The following PNPLA1 variants were observed in gnomAD, a reference collection of about 807,000 sequenced individuals.
PNPLA1 encodes patatin like domain 1, omega-hydroxyceramide transacylase, also known as omega-hydroxyceramide transacylase.
PNPLA1 carries 36 observed loss-of-function variants against 51.7 expected under a neutral mutation model. That is an observed-to-expected ratio of 0.70 (90% CI 0.53 to 0.92). The LOEUF (loss-of-function observed/expected upper bound fraction) is 0.92. Among genes scored for constraint, PNPLA1 ranks in the 40% least tolerant of loss-of-function variants. The probability of loss-of-function intolerance (pLI) is 0.00; values close to 1 mark genes in which losing one functional copy is unlikely to be tolerated. For synonymous variants in PNPLA1, 293 were observed against 280.1 expected (o/e 1.05, Z -0.46); for missense variants, 658 against 682.5 (o/e 0.96, Z 0.40).
chr6:36,261,544 T>C (rs1256134402), intron 1 of PNPLA1, among the ~76,000 whole-genome samples: 1 of 152,222 alleles, frequency 6.6e-6, no homozygotes, highest in Non-Finnish European at 1.5e-5. Context: ...GGCTTGTGAG[T>C]TTGGTGAACG....
At position 36,312,581 on chromosome 6, in the gene PNPLA1, C is replaced by A. The variant is rs190928761; in HGVS notation, c.*695C>A. Reference sequence around the variant, plus strand: ...GGAAGCTGTGAGCCGAGAGAGAGAACGGGAGCTGGAACGGGAGAGAACCTG... The same window carrying A: ...GGAAGCTGTGAGCCGAGAGAGAGAAAGGGAGCTGGAACGGGAGAGAACCTG... On this transcript the variant is annotated 3_prime_UTR_variant, in exon 9 of 9. Coordinates refer to ENST00000636260, the MANE Select transcript of PNPLA1 (RefSeq NM_001374623.1). Among the ~76,000 whole-genome samples the A allele has an allele frequency of 6.6e-6, 1 of 152,238 alleles. No individual in the cohort carries two copies. Among genetic ancestry groups the A allele is most frequent in the South Asian group, 2.1e-4 (1 of 4,822 alleles).
In PNPLA1 at chr6:36,282,053, GAAA is replaced by G. The variant is rs1770304751; in HGVS notation, c.206-9266_206-9264del. Among the ~76,000 whole-genome samples the G allele has an allele frequency of 1.3e-4, 11 of 86,454 alleles. No individual in the cohort carries two copies. The South Asian group carries it at 4.8e-3, about 38-fold the overall frequency. 56.7% of individuals were successfully genotyped at this position (86,454 alleles called of 152,430 possible). A position where few individuals can be genotyped will look rare whatever the true frequency, so the allele number is the denominator to read the frequency against. On this transcript the variant is annotated intron_variant, in intron 1 of 8. Transcript: ENST00000636260. ...AGAAAGAAAGAAAGAAGGAAAGAAA[GAAA>G]GAAAGAAAGAAAGAAAGAAAGAAAG... is the stretch of plus-strand genomic sequence containing the variant.
intron 1 of PNPLA1, among the ~76,000 whole-genome samples, chr6:36,253,711 T>C (rs1466251546): frequency 2.6e-5 from 4 of 152,194 alleles, no homozygotes; most frequent in African/African-American, 9.7e-5. Context: ...ACTCCTGGCC[T>C]CAAATGATCC....
At chr6:36,258,278 T>C (rs1342981193) in intron 1 of PNPLA1, among the ~76,000 whole-genome samples, 1 of 152,204 alleles carries the variant, frequency 6.6e-6, no homozygotes, top group Non-Finnish European at 1.5e-5. Flanking sequence ...ATTTCCTTCC[T>C]CACTTTCCAG....
intron 1 of PNPLA1, among the ~76,000 whole-genome samples, chr6:36,255,861 T>G (rs950860408): frequency 6.6e-5 from 10 of 152,240 alleles, no homozygotes; most frequent in African/African-American, 2.4e-4. Flanking sequence ...TCTCAAACTC[T>G]AACATGCATC....
chr6:36,301,253 C>G (rs1771037307), intron 5 of PNPLA1, among the ~76,000 whole-genome samples: 1 of 152,084 alleles, frequency 6.6e-6, no homozygotes, highest in Non-Finnish European at 1.5e-5. Flanking sequence ...ATGAGTCTTA[C>G]AGCCACAGTG....
At position 36,302,345 on chromosome 6, in the gene PNPLA1, C is replaced by T. The variant is rs1317776229; in HGVS notation, c.1260C>T (p.Pro420=). 1 of 1,613,072 alleles carries T rather than the reference C, an allele frequency of 6.2e-7. No homozygotes were observed. Among genetic ancestry groups the T allele is most frequent in the Non-Finnish European group, 8.5e-7 (1 of 1,179,242 alleles). ...CCAGATCCCTACACTCTCAGGCACC[C>T]ACTTCACCCAGGCCATCCCTGGGGC... is the stretch of plus-strand genomic sequence containing the variant. ...SPARSLHSQA[P]TSPRPSLGPS... is the part of the protein sequence containing the mutation. The change falls in exon 6 of 9, where the codon CCC becomes CCT. Residue 420 remains proline (P), a synonymous_variant. Coordinates refer to ENST00000636260, the MANE Select transcript of PNPLA1 (RefSeq NM_001374623.1).
chr6:36,311,231 T>C (rs945826861), intron 8 of PNPLA1, among the ~76,000 whole-genome samples: 2 of 152,228 alleles, frequency 1.3e-5, no homozygotes, highest in African/African-American at 4.8e-5. Context: ...GAGAGGCAGC[T>C]AATTCACTCT....
At chr6:36,289,864 G>T (rs1770622267) in intron 1 of PNPLA1, among the ~76,000 whole-genome samples, 1 of 152,222 alleles carries the variant, frequency 6.6e-6, no homozygotes, top group Admixed American at 6.5e-5. Context: ...CACAGGAGGA[G>T]TAGGGCATCC....
At chr6:36,309,292 G>C (rs935221801) in intron 8 of PNPLA1, among the ~76,000 whole-genome samples, 3 of 152,152 alleles carry the variant, frequency 2.0e-5, no homozygotes, top group Admixed American at 1.3e-4. Flanking sequence ...GAGGTCCCTG[G>C]GTTCATGGGA....
Position 36,312,453 on chromosome 6 carries a change from A to G in PNPLA1, c.*567A>G, listed in dbSNP as rs1771427606. On this transcript the variant is annotated 3_prime_UTR_variant, in exon 9 of 9. Coordinates refer to ENST00000636260, the MANE Select transcript of PNPLA1 (RefSeq NM_001374623.1). The stretch of plus-strand genomic sequence containing the variant: ...TTCCAATTTCCATGCATTGGCTATA[A>G]CAGGCCTGGCTACCTGCTGAGGGTT... 6.6e-6 allele frequency among the ~76,000 whole-genome samples: 1 copy of G among 152,168 alleles called. No individual in the cohort carries two copies. The highest frequency in any genetic ancestry group is 2.1e-4 in the South Asian group (1 of 4,834).
chr6:36,244,520 A>G (rs1056319823), intron 1 of PNPLA1, among the ~76,000 whole-genome samples: 1 of 151,746 alleles, frequency 6.6e-6, no homozygotes, highest in Non-Finnish European at 1.5e-5. Context: ...TATTTGGTGG[A>G]TGTAGAGGGG....
chr6:36,268,779 G>A (rs528263387), upstream of PNPLA1, among the ~76,000 whole-genome samples: 3 of 152,298 alleles, frequency 2.0e-5, no homozygotes, highest in Admixed American at 6.5e-5. Context: ...TGGAGCTTCT[G>A]TGTGCTCCTG....
At chr6:36,250,884 A>T (rs1159936642) in intron 1 of PNPLA1, among the ~76,000 whole-genome samples, 1 of 152,178 alleles carries the variant, frequency 6.6e-6, no homozygotes, top group Non-Finnish European at 1.5e-5. Context: ...TTGTATTTTT[A>T]GTAGAGCCGG....
chr6:36,254,008 C>T (rs1425349922), intron 1 of PNPLA1, among the ~76,000 whole-genome samples: 1 of 152,020 alleles, frequency 6.6e-6, no homozygotes, highest in African/African-American at 2.4e-5. Flanking sequence ...GGTCTGACTA[C>T]AGAGCTAAAG....
At chr6:36,295,541 C>A in intron 5 of PNPLA1, 117 bp downstream of exon 5, 1 of 1,116,968 alleles carries the variant, frequency 9.0e-7, no homozygotes, top group South Asian at 1.3e-5. Flanking sequence ...AGACGCCCTT[C>A]ACCTGGGAGA....
intron 1 of PNPLA1, among the ~76,000 whole-genome samples, chr6:36,279,352 A>G (rs1235844135): frequency 6.6e-6 from 1 of 152,204 alleles, no homozygotes; most frequent in Non-Finnish European, 1.5e-5. Flanking sequence ...CTGCCCACCC[A>G]GTAACTGAAA....
At chr6:36,244,545 G>A (rs1007234855) in intron 1 of PNPLA1, among the ~76,000 whole-genome samples, 15 of 152,076 alleles carry the variant, frequency 9.9e-5, no homozygotes, top group African/African-American at 3.4e-4. Flanking sequence ...CCGACCTTAT[G>A]CAGTTACAAC....
At chr6:36,252,271 A>G (rs1160931850) in intron 1 of PNPLA1, among the ~76,000 whole-genome samples, 1 of 152,152 alleles carries the variant, frequency 6.6e-6, no homozygotes, top group Non-Finnish European at 1.5e-5. Flanking sequence ...GCTTTCTAGA[A>G]AGGGTTTTTT....
Sources: allele counts gnomAD v4.1 joint callset (sites outside exome capture counted in the v4.1 genomes callset), GRCh38; gene constraint gnomAD v4.1.1; transcripts MANE v1.5; gene names NCBI Gene and HGNC (gene_info 2026-07-23, HGNC 2026-07-21).